HDAC4: variants seen among roughly 807,000 people sequenced by gnomAD.
The protein encoded by HDAC4 is histone deacetylase A.
Under a neutral mutation model 135.1 loss-of-function variants are expected in HDAC4, and 16 were observed. The observed-to-expected ratio is 0.12, with a 90% confidence interval of 0.08 to 0.18. The LOEUF (loss-of-function observed/expected upper bound fraction) is 0.18. Ranked by LOEUF, HDAC4 falls within the 10% of genes least tolerant of loss-of-function variation. HDAC4 has a pLI of 1.00. For missense variants in HDAC4, 1,143 were observed against 1,511.8 expected, an observed-to-expected ratio of 0.76 and a Z score of 4.05; for synonymous variants, 685 against 653.4, an observed-to-expected ratio of 1.05 and a Z score of -0.74.
rs58986673 is a variant in HDAC4 at position 239,313,679 on chromosome 2, A to G, written c.22+38999T>C. On this transcript the variant is annotated intron_variant, in intron 2 of 26. Coordinates refer to ENST00000543185, the MANE Select transcript of HDAC4 (RefSeq NM_001378414.1). This position sits in a 1 kb window ranked among gnomAD's most constrained non-coding sequence, Gnocchi z 5.1. ...AAATAAGCGCCTCAAAAGAAAGCCA[A>G]CGTACAGCACTGGTGACAGAAAGGA... Among the ~76,000 whole-genome samples, 3 of 152,358 alleles carry G rather than the reference A, an allele frequency of 2.0e-5. No individual in the cohort carries two copies. The highest frequency in any genetic ancestry group is 7.2e-5 in the African/African-American group (3 of 41,594).
chr2:239,292,438 C>A lies in HDAC4; in HGVS notation c.23-55774G>T, dbSNP rs567386505. On this transcript the variant is annotated intron_variant, in intron 2 of 26. Coordinates refer to ENST00000543185, the MANE Select transcript of HDAC4 (RefSeq NM_001378414.1). ...GATGGGCAGTGGAGGCTGAGCCCCG[C>A]TGTCCATCTGGAGCACAGAGCCAAA... Among the ~76,000 whole-genome samples, 12 of 152,332 alleles carry A rather than the reference C, an allele frequency of 7.9e-5. No homozygotes were observed. In the East Asian group the frequency reaches 2.3e-3, roughly 29 times the overall value.
chr2:239,288,445 T>C (rs2051261004), intron 2 of HDAC4, among the ~76,000 whole-genome samples: 1 of 152,152 alleles, frequency 6.6e-6, no homozygotes, highest in Non-Finnish European at 1.5e-5. Flanking sequence ...GAACTGGAAT[T>C]CCCAGCTAGC....
intron 3 of HDAC4, among the ~76,000 whole-genome samples, chr2:239,201,694 G>A (rs911910175): frequency 5.9e-5 from 9 of 152,202 alleles, no homozygotes; most frequent in African/African-American, 1.9e-4. Flanking sequence ...AACAGGTGAC[G>A]AGAGGGGAAG....
intron 16 of HDAC4, among the ~76,000 whole-genome samples, chr2:239,098,522 C>T (rs1039833058): frequency 6.6e-6 from 1 of 152,252 alleles, no homozygotes; most frequent in Non-Finnish European, 1.5e-5. Context: ...GATGCAGCAC[C>T]CTGCCAGCTG....
In HDAC4 at chr2:239,244,366, G is replaced by A. The variant is rs536002861; in HGVS notation, c.23-7702C>T. Reference sequence around the variant, plus strand: ...GCAGGTGTCTGTGAGAAAGCGCTGCGCGAGGGCCCATGTGGCCCACCAAGA... The same window carrying A: ...GCAGGTGTCTGTGAGAAAGCGCTGCACGAGGGCCCATGTGGCCCACCAAGA... On this transcript the variant is annotated intron_variant, in intron 2 of 26. Transcript: ENST00000543185. 5.9e-5 allele frequency among the ~76,000 whole-genome samples: 9 copies of A among 151,764 alleles called. No homozygotes were observed. In the East Asian group the frequency reaches 1.6e-3, roughly 27 times the overall value.
intron 1 of HDAC4, among the ~76,000 whole-genome samples, chr2:239,389,929 G>A (rs1050227328): frequency 5.3e-5 from 8 of 152,176 alleles, no homozygotes; most frequent in South Asian, 4.1e-4. Flanking sequence ...GAGCCAGACC[G>A]AAGGAGAGTG....
At chr2:239,108,614 T>C (rs141962238) in intron 14 of HDAC4, among the ~76,000 whole-genome samples, 2 of 152,188 alleles carry the variant, frequency 1.3e-5, no homozygotes, top group African/African-American at 2.4e-5. Context: ...CCTCAAAGTC[T>C]GCCTGGTCCT....
chr2:239,304,947 T>G (rs6543521), intron 2 of HDAC4, among the ~76,000 whole-genome samples: 130,220 of 152,220 alleles, frequency 0.86, 56,025 homozygotes, highest in African/African-American at 0.93. Flanking sequence ...AGAACACAGT[T>G]AGCATCACAG....
At chr2:239,116,459 G>A (rs367876710) in intron 12 of HDAC4, among the ~76,000 whole-genome samples, 4 of 152,176 alleles carry the variant, frequency 2.6e-5, no homozygotes, top group African/African-American at 9.7e-5. Flanking sequence ...CATTGCTCAC[G>A]AGAAACGCCT....
chr2:239,085,045 C>G (rs72996176), intron 19 of HDAC4, among the ~76,000 whole-genome samples: 3,026 of 60,922 alleles, frequency 0.05, 108 homozygotes, highest in African/African-American at 0.14. Context: ...CAGACAGACA[C>G]ACACACACAC....
At chr2:239,274,839 C>T (rs2050260189) in intron 2 of HDAC4, among the ~76,000 whole-genome samples, 1 of 152,236 alleles carries the variant, frequency 6.6e-6, no homozygotes, top group African/African-American at 2.4e-5. Context: ...CACGCTCCTC[C>T]CAGCTGTCCT....
In HDAC4 at chr2:239,102,663, T is replaced by C. The variant is rs575132426; in HGVS notation, c.2233+113A>G. ...GTTCCCTTTCAGGCCCTTTACCTTATAACCTGGCAGGCGACACCCACAGGT... is the reference window on the plus strand; with the variant it reads ...GTTCCCTTTCAGGCCCTTTACCTTACAACCTGGCAGGCGACACCCACAGGT... On this transcript the variant is annotated intron_variant, in intron 16 of 26. Coordinates refer to ENST00000543185, the MANE Select transcript of HDAC4 (RefSeq NM_001378414.1). 1.7e-4 allele frequency: 209 copies of C among 1,243,194 alleles called. 1 individual carries two copies. The East Asian group carries it at 4.9e-3, about 29-fold the overall frequency. The allele number at this position is 1,243,194 out of a possible 1,614,324, so 77.0% of individuals were successfully genotyped here. A position where few individuals can be genotyped will look rare whatever the true frequency, so the allele number is the denominator to read the frequency against.
chr2:239,190,723 C>A (rs1049421944), intron 3 of HDAC4, among the ~76,000 whole-genome samples: 1 of 152,190 alleles, frequency 6.6e-6, no homozygotes, highest in Non-Finnish European at 1.5e-5. Flanking sequence ...TCTGGGCATG[C>A]GTTTCTGCAC....
intron 2 of HDAC4, among the ~76,000 whole-genome samples, chr2:239,280,414 T>G (rs2050637012): frequency 6.6e-6 from 1 of 152,150 alleles, no homozygotes; most frequent in Non-Finnish European, 1.5e-5. Context: ...AGCTCCACTG[T>G]ATGAAACATT....
intron 4 of HDAC4, among the ~76,000 whole-genome samples, chr2:239,183,534 G>C (rs758255331): frequency 8.3e-4 from 126 of 152,312 alleles, no homozygotes; most frequent in Non-Finnish European, 4.4e-4. Context: ...GTGTGCCCAC[G>C]TGCCCTATGT....
At chr2:239,322,220 A>G (rs1184305505) in intron 2 of HDAC4, among the ~76,000 whole-genome samples, 2 of 152,206 alleles carry the variant, frequency 1.3e-5, no homozygotes, top group Non-Finnish European at 2.9e-5. Context: ...CCTGCAACCA[A>G]TCGGATGCTG....
At chr2:239,276,703 C>T (rs1028094215) in intron 2 of HDAC4, among the ~76,000 whole-genome samples, 1 of 152,156 alleles carries the variant, frequency 6.6e-6, no homozygotes, top group East Asian at 1.9e-4. Flanking sequence ...GGACACTACC[C>T]GCTGTCTGCT....
At chr2:239,294,679 C>T (rs1159240189) in intron 2 of HDAC4, among the ~76,000 whole-genome samples, 15 of 152,056 alleles carry the variant, frequency 9.9e-5, no homozygotes, top group Admixed American at 3.9e-4. Flanking sequence ...GGCTCCAGAA[C>T]AGGGAGTTGG....
chr2:239,339,502 G>C (rs1224226917), intron 2 of HDAC4, among the ~76,000 whole-genome samples: 1 of 152,194 alleles, frequency 6.6e-6, no homozygotes, highest in African/African-American at 2.4e-5. Context: ...TCTGGACATG[G>C]GTGAGGAGCA....
Sources: gnomAD v4.1 joint callset for allele counts (sites outside exome capture counted in the v4.1 genomes callset) on GRCh38, gnomAD v4.1.1 for gene constraint, Gnocchi (gnomAD v3.1) non-coding constraint, MANE v1.5 for transcripts, NCBI Gene and HGNC (gene_info 2026-07-23, HGNC 2026-07-21) for gene names.